Variants in FLT4 observed in about 807,000 individuals in gnomAD.
FLT4 encodes the protein vascular endothelial growth factor receptor 3.
A neutral mutation model predicts 163.2 loss-of-function variants in FLT4; 30 were observed. The ratio of observed to expected loss-of-function variants is 0.18; its 90% CI spans 0.14 to 0.25. FLT4 has a LOEUF of 0.25. Ranked by LOEUF, FLT4 falls within the 10% of genes least tolerant of loss-of-function variation. The probability of loss-of-function intolerance (pLI) is 1.00; values close to 1 mark genes in which losing one functional copy is unlikely to be tolerated. For synonymous variants in FLT4, 884 were observed against 789.5 expected (o/e 1.12, Z -2.01); for missense variants, 1,510 against 1,863.8 (o/e 0.81, Z 3.50).
intron 29 of FLT4, among the ~76,000 whole-genome samples, chr5:180,608,667 T>C (rs1761941023): frequency 6.6e-6 from 1 of 152,168 alleles, no homozygotes; most frequent in Middle Eastern, 3.4e-3. Flanking sequence ...GAGGAGAGTG[T>C]GTGTGCCCTG....
Position 180,630,186 on chromosome 5 carries a change from A to G in FLT4, c.513+39T>C, listed in dbSNP as rs1763978551. ...GGCGGCCGCCTTTCCCAGGGGTGGGATGGGAGGGTCGGATGCTGGGGTTGG... is the reference window on the plus strand; with the variant it reads ...GGCGGCCGCCTTTCCCAGGGGTGGGGTGGGAGGGTCGGATGCTGGGGTTGG... On this transcript the variant is annotated intron_variant, in intron 4 of 29. Transcript: ENST00000261937. The surrounding 1 kb of genome is among the most constrained non-coding windows in gnomAD (Gnocchi z 6.3). 4.1e-5 allele frequency: 25 copies of G among 605,670 alleles called. No homozygotes were observed. Among genetic ancestry groups the G allele is most frequent in the Non-Finnish European group, 6.5e-5 (21 of 323,870 alleles). The allele number at this position is 605,670 out of a possible 1,614,324, so 37.5% of individuals were successfully genotyped here. A position where few individuals can be genotyped will look rare whatever the true frequency, so the allele number is the denominator to read the frequency against.
chr5:180,606,926 A>G (rs1164046033), intron 29 of FLT4, among the ~76,000 whole-genome samples: 1 of 150,484 alleles, frequency 6.6e-6, no homozygotes, highest in Non-Finnish European at 1.5e-5. Context: ...CAAACAAACA[A>G]ACTTAGCTGG....
chr5:180,611,559 CCCCCGCCCTCAG>C (rs1177879710), intron 26 of FLT4, 80 bp from the exon 27 acceptor site: 1 of 1,455,114 alleles, frequency 6.9e-7, no homozygotes, highest in Non-Finnish European at 9.3e-7. Context: ...TCAGCCCTCA[CCCCCGCCCTCAG>C]CCCTCACCCC....
chr5:180,634,025 C>A (rs114969297), intron 1 of FLT4, among the ~76,000 whole-genome samples: 155 of 152,272 alleles, frequency 1.0e-3, no homozygotes, highest in Middle Eastern at 3.4e-3. Context: ...CTGATGGCTC[C>A]CCTCTGTTCC....
At chr5:180,639,999 G>A (rs1229292555) in intron 1 of FLT4, among the ~76,000 whole-genome samples, 1 of 152,188 alleles carries the variant, frequency 6.6e-6, no homozygotes, top group African/African-American at 2.4e-5. Flanking sequence ...AGGCCAGAAT[G>A]CATACCTCCT....
chr5:180,641,645 C>G (rs964404110), intron 1 of FLT4, among the ~76,000 whole-genome samples: 1 of 152,194 alleles, frequency 6.6e-6, no homozygotes, highest in Non-Finnish European at 1.5e-5. Context: ...TGGGGGGAGG[C>G]AGCAGGAGCG....
intron 8 of FLT4, 46 bp downstream of exon 8, chr5:180,628,836 A>C: frequency 8.9e-6 from 12 of 1,352,378 alleles, no homozygotes; most frequent in Non-Finnish European, 1.3e-5. Context: ...TTGCCCCTGG[A>C]CTTGGAAGGG....
chr5:180,603,863 C>CACT (rs1248174803), intron 29 of FLT4, among the ~76,000 whole-genome samples: 16 of 151,468 alleles, frequency 1.1e-4, no homozygotes, highest in African/African-American at 3.4e-4. Flanking sequence ...GAGATCGCAC[C>CACT]ACTGCACTCC....
intron 10 of FLT4, among the ~76,000 whole-genome samples, chr5:180,625,134 C>T (rs1294991565): frequency 3.3e-5 from 5 of 152,210 alleles, no homozygotes; most frequent in Non-Finnish European, 5.9e-5. Context: ...GCTCCCATCC[C>T]GCCCCAGTTT....
At chr5:180,631,591 G>A (rs114246897) in intron 2 of FLT4, 91 bp downstream of exon 2, 35,283 of 1,038,108 alleles carry the variant, frequency 0.034, 726 homozygotes, top group Non-Finnish European at 0.042. Flanking sequence ...TCTGCCCTGG[G>A]AGGGGGCTGC....
At chr5:180,607,243 T>C (rs1761851535) in intron 29 of FLT4, among the ~76,000 whole-genome samples, 2 of 152,216 alleles carry the variant, frequency 1.3e-5, no homozygotes, top group African/African-American at 4.8e-5. Context: ...CTGGGATATG[T>C]GGGTATTTCT....
chr5:180,611,234 G>A (rs993753249), intron 27 of FLT4, 97 bp downstream of exon 27: 16 of 1,391,998 alleles, frequency 1.1e-5, no homozygotes, highest in South Asian at 2.3e-5. Context: ...CTCTGACGTC[G>A]CATGATTTGC....
intron 17 of FLT4, 93 bp from the exon 18 acceptor site, chr5:180,619,862 G>T: frequency 1.1e-6 from 1 of 923,378 alleles, no homozygotes; most frequent in Non-Finnish European, 1.7e-6. Flanking sequence ...AGGTCCAGGA[G>T]GACAGGCCTG....
chr5:180,629,573 C>G (rs1397616380), intron 6 of FLT4, 123 bp downstream of exon 6: 2 of 1,461,172 alleles, frequency 1.4e-6, no homozygotes, highest in Non-Finnish European at 1.9e-6. Flanking sequence ...ACACTTGCCA[C>G]TCAGACCGGG....
chr5:180,605,079 G>A (rs1354869787), intron 29 of FLT4, among the ~76,000 whole-genome samples: 2 of 152,210 alleles, frequency 1.3e-5, no homozygotes, highest in African/African-American at 4.8e-5. Context: ...TCCCACCTCA[G>A]CCTGCTGAGC....
In FLT4 at chr5:180,620,739, C is replaced by CATGT. The variant is rs141972439; in HGVS notation, c.2300-25_2300-24insACAT. The CATGT allele has an allele frequency of 2.0e-6, 3 of 1,533,934 alleles. No individual in the cohort carries two copies. The highest frequency in any genetic ancestry group is 1.8e-6 in the Non-Finnish European group (2 of 1,114,354). On this transcript the variant is annotated intron_variant, in intron 15 of 29. Coordinates refer to ENST00000261937, the MANE Select transcript of FLT4 (RefSeq NM_182925.5). The surrounding 1 kb of genome is among the most constrained non-coding windows in gnomAD (Gnocchi z 4.4). Reference sequence around the variant, plus strand: ...GCCTGCGTGGGCAGAAAGGGGCCGGCGTGTGTGTGTGTGTGTGTAAGAGCG... The same window carrying CATGT: ...GCCTGCGTGGGCAGAAAGGGGCCGGCATGTGTGTGTGTGTGTGTGTGTAAGAGCG...
chr5:180,619,853 G>A (rs1219724062), intron 17 of FLT4, 84 bp from the exon 18 acceptor site: 7 of 1,000,084 alleles, frequency 7.0e-6, no homozygotes, highest in Non-Finnish European at 9.4e-6. Context: ...CCCGTGCAGA[G>A]GTCCAGGAGG....
chr5:180,619,876 G>T, intron 17 of FLT4, 107 bp from the exon 18 acceptor site: 1 of 832,388 alleles, frequency 1.2e-6, no homozygotes, highest in Non-Finnish European at 2.0e-6. Context: ...AGGCCTGGCA[G>T]CAGGAGGAGC....
chr5:180,638,211 A>G (rs1764832879), intron 1 of FLT4, among the ~76,000 whole-genome samples: 1 of 152,198 alleles, frequency 6.6e-6, no homozygotes, highest in Non-Finnish European at 1.5e-5. Flanking sequence ...TTCAGTTTTA[A>G]GCATCCAGCT....
Sources: gnomAD v4.1 joint callset for allele counts (sites outside exome capture counted in the v4.1 genomes callset) on GRCh38, gnomAD v4.1.1 for gene constraint, Gnocchi (gnomAD v3.1) non-coding constraint, MANE v1.5 for transcripts, NCBI Gene and HGNC (gene_info 2026-07-23, HGNC 2026-07-21) for gene names.